The following PIN4 variants were observed in gnomAD, a reference collection of about 807,000 sequenced individuals.
PIN4 encodes the protein peptidylprolyl cis/trans isomerase, NIMA-interacting 4.
PIN4 carries 3 observed loss-of-function variants against 8.3 expected under a neutral mutation model. The ratio of observed to expected loss-of-function variants is 0.36; its 90% CI spans 0.16 to 0.93. PIN4 has a LOEUF of 0.93. Among genes scored for constraint, PIN4 ranks in the 40% least tolerant of loss-of-function variants. PIN4 has a pLI of 0.44. For missense variants in PIN4, 75 were observed against 100.6 expected, an observed-to-expected ratio of 0.75 and a Z score of 1.09; for synonymous variants, 18 against 32.5, an observed-to-expected ratio of 0.55 and a Z score of 1.52.
chrX:72,197,631 G>T lies in PIN4; in HGVS notation c.*105G>T. On this transcript the variant is annotated 3_prime_UTR_variant, in exon 4 of 4. Transcript: ENST00000373669. ...AAGGAAATACAAAAATTTTTAAAAA[G>T]AAAAGATATTGGATGCTCCTTGTAT... 9.2e-7 allele frequency: 1 copy of T among 1,092,857 alleles called. No homozygotes were observed. Among genetic ancestry groups the T allele is most frequent in the Non-Finnish European group, 1.2e-6 (1 of 836,113 alleles). 90.1% of individuals were successfully genotyped at this position (1,092,857 alleles called of 1,213,427 possible).
intron 3 of PIN4, among the ~76,000 whole-genome samples, chrX:72,228,625 G>C (rs911223966): frequency 9.0e-6 from 1 of 111,525 alleles, no homozygotes; most frequent in Non-Finnish European, 1.9e-5. Context: ...GTCCTTCAGC[G>C]GTACCCTTAC....
chrX:72,249,284 G>A (rs773082548), intron 3 of PIN4, among the ~76,000 whole-genome samples: 2 of 112,181 alleles, frequency 1.8e-5, no homozygotes, highest in Non-Finnish European at 3.8e-5. Flanking sequence ...CATGAGAATG[G>A]CTATAATTTA....
intron 3 of PIN4, among the ~76,000 whole-genome samples, chrX:72,219,773 C>T (rs978065494): frequency 3.8e-5 from 4 of 105,792 alleles, no homozygotes; most frequent in Non-Finnish European, 7.7e-5. Context: ...CACTTGAACC[C>T]GGGAGGCAGA....
At chrX:72,199,748 A>G (rs764843356), downstream of PIN4, among the ~76,000 whole-genome samples, 1 of 111,749 alleles carries the variant, frequency 8.9e-6, no homozygotes, top group South Asian at 3.8e-4. Context: ...AGCAAACTAA[A>G]TTCTGTGGTA....
intron 3 of PIN4, chrX:72,208,234 C>T (rs1290427733): frequency 2.7e-5 from 33 of 1,209,634 alleles, no homozygotes; most frequent in Non-Finnish European, 3.5e-5. Context: ...CTTGCTAGGA[C>T]CATGAAAGGT....
At chrX:72,234,325 C>T (rs1386641663) in intron 3 of PIN4, among the ~76,000 whole-genome samples, 1 of 111,610 alleles carries the variant, frequency 9.0e-6, no homozygotes. Flanking sequence ...TGATTAACTT[C>T]GTCAAGTACT....
chrX:72,251,998 C>T (rs904407996), intron 3 of PIN4, among the ~76,000 whole-genome samples: 3 of 111,663 alleles, frequency 2.7e-5, no homozygotes, highest in Non-Finnish European at 5.6e-5. Flanking sequence ...GTTCTGGAGG[C>T]TGGGAAATCC....
chrX:72,185,153 A>AAAAAAAAAAAC (rs1556391295), intron 1 of PIN4, among the ~76,000 whole-genome samples: 2 of 102,996 alleles, frequency 1.9e-5, no homozygotes, highest in Non-Finnish European at 4.0e-5. Flanking sequence ...GTCTCAAAAA[A>AAAAAAAAAAAC]AAAAAAAAAA....
intron 3 of PIN4, among the ~76,000 whole-genome samples, chrX:72,254,979 C>T (rs1355580137): frequency 5.6e-5 from 6 of 108,009 alleles, no homozygotes. Context: ...TGATTTTGCA[C>T]GGAATAAAGG....
chrX:72,248,964 C>T (rs2043077569), intron 3 of PIN4, among the ~76,000 whole-genome samples: 2 of 111,600 alleles, frequency 1.8e-5, no homozygotes, highest in Non-Finnish European at 3.8e-5. Context: ...AAGTAGGGGG[C>T]CTTTGGGGCC....
chrX:72,197,224 T>G, intron 3 of PIN4, 144 bp from the exon 4 acceptor site: 1 of 499,075 alleles, frequency 2.0e-6, no homozygotes, highest in Non-Finnish European at 3.4e-6. Flanking sequence ...TTCTACCTAT[T>G]TGTCCTTATT....
chrX:72,215,973 T>C (rs139456352), intron 3 of PIN4, among the ~76,000 whole-genome samples: 3,023 of 110,499 alleles, frequency 0.027, 74 homozygotes, highest in African/African-American at 0.082. Flanking sequence ...GGGGATCTTT[T>C]TGTTGTCAAT....
chrX:72,255,273 A>AAGTAAT (rs1556407611), intron 3 of PIN4, among the ~76,000 whole-genome samples: 1 of 96,399 alleles, frequency 1.0e-5, no homozygotes, highest in African/African-American at 4.0e-5. Flanking sequence ...CCATCTCTAA[A>AAGTAAT]AATAATAATA....
At chrX:72,245,384 G>C (rs2147613485) in intron 3 of PIN4, among the ~76,000 whole-genome samples, 1 of 111,129 alleles carries the variant, frequency 9.0e-6, no homozygotes, top group East Asian at 2.9e-4. Flanking sequence ...TGCCCAGGCT[G>C]TTCTCCAGCT....
At chrX:72,261,019 C>T (rs770665187) in intron 3 of PIN4, among the ~76,000 whole-genome samples, 8 of 111,747 alleles carry the variant, frequency 7.2e-5, no homozygotes, top group African/African-American at 2.6e-4. Context: ...AAAATTTAGC[C>T]GGGCGCGGTG....
intron 3 of PIN4, among the ~76,000 whole-genome samples, chrX:72,234,654 G>A (rs975120807): frequency 1.3e-4 from 14 of 111,285 alleles, no homozygotes; most frequent in African/African-American, 4.6e-4. Flanking sequence ...GACAAGGGAT[G>A]AGATCTTTTG....
At chrX:72,208,613 G>A (rs2042834901) in intron 3 of PIN4, 1 of 1,209,324 alleles carries the variant, frequency 8.3e-7, no homozygotes, top group African/African-American at 1.8e-5. Flanking sequence ...TTTTCATTGG[G>A]AAAAATGTCC....
chrX:72,259,267 A>G (rs1261414870), intron 3 of PIN4, among the ~76,000 whole-genome samples: 2 of 98,754 alleles, frequency 2.0e-5, no homozygotes, highest in Admixed American at 1.2e-4. Context: ...TGCCCAGGCT[A>G]GAGTGCAATG....
intron 1 of PIN4, among the ~76,000 whole-genome samples, chrX:72,182,554 AAG>A (rs1471109712): frequency 3.7e-5 from 4 of 108,884 alleles, no homozygotes; most frequent in African/African-American, 1.0e-4. Context: ...AAAAAAAAAA[AAG>A]AGATTTTGGC....
Sources: allele counts gnomAD v4.1 joint callset (sites outside exome capture counted in the v4.1 genomes callset), GRCh38; gene constraint gnomAD v4.1.1; transcripts MANE v1.5; gene names NCBI Gene and HGNC (gene_info 2026-07-23, HGNC 2026-07-21).